Variants in PKP2 observed in about 807,000 individuals in gnomAD.
PKP2 encodes the protein plakophilin 2.
A neutral mutation model predicts 83.4 loss-of-function variants in PKP2; 73 were observed. The ratio of observed to expected loss-of-function variants is 0.88; its 90% CI spans 0.72 to 1.06. PKP2 has a LOEUF of 1.06. Among genes scored for constraint, PKP2 ranks in the 50% least tolerant of loss-of-function variants. The probability of loss-of-function intolerance (pLI) is 0.00; values close to 1 mark genes in which losing one functional copy is unlikely to be tolerated. For missense variants in PKP2, 966 were observed against 1,065.4 expected, an observed-to-expected ratio of 0.91 and a Z score of 1.30; for synonymous variants, 409 against 430.4, an observed-to-expected ratio of 0.95 and a Z score of 0.62.
intron 11 of PKP2, among the ~76,000 whole-genome samples, chr12:32,793,067 C>A (rs886150846): frequency 6.6e-6 from 1 of 152,016 alleles, no homozygotes; most frequent in Non-Finnish European, 1.5e-5. Flanking sequence ...ATGGTGAAAC[C>A]CCGTCTGTAC....
intron 3 of PKP2, among the ~76,000 whole-genome samples, chr12:32,870,468 T>C (rs1389286238): frequency 6.6e-6 from 1 of 152,162 alleles, no homozygotes; most frequent in Non-Finnish European, 1.5e-5. Context: ...CTGAGAATTA[T>C]ATAATGATCT....
chr12:32,848,795 T>C (rs1966873648), intron 5 of PKP2, among the ~76,000 whole-genome samples: 1 of 152,074 alleles, frequency 6.6e-6, no homozygotes, highest in Admixed American at 6.5e-5. Context: ...AAATCTAAAA[T>C]GAATGTTGAA....
At chr12:32,885,613 G>A (rs1249983604) in intron 1 of PKP2, among the ~76,000 whole-genome samples, 1 of 151,808 alleles carries the variant, frequency 6.6e-6, no homozygotes, top group Non-Finnish European at 1.5e-5. Context: ...GCGGTGAGGT[G>A]AGACTGTGCC....
chr12:32,858,285 C>A (rs1256788300), intron 4 of PKP2, among the ~76,000 whole-genome samples: 2 of 150,058 alleles, frequency 1.3e-5, no homozygotes, highest in Admixed American at 1.3e-4. Context: ...GCCTGGGCAA[C>A]AGAACAACAC....
At chr12:32,794,951 C>A (rs1956107367) in intron 11 of PKP2, among the ~76,000 whole-genome samples, 1 of 152,160 alleles carries the variant, frequency 6.6e-6, no homozygotes, top group South Asian at 2.1e-4. Context: ...TACAGCCAAG[C>A]ACACATTTCT....
chr12:32,826,079 CG>C (rs1177768752), intron 6 of PKP2, among the ~76,000 whole-genome samples: 2 of 151,822 alleles, frequency 1.3e-5, no homozygotes, highest in African/African-American at 2.4e-5. Flanking sequence ...CCGAGGCAGG[CG>C]GATCATGAGG....
chr12:32,817,952 T>C (rs1317073009), intron 9 of PKP2, among the ~76,000 whole-genome samples: 1 of 152,104 alleles, frequency 6.6e-6, no homozygotes, highest in African/African-American at 2.4e-5. Flanking sequence ...GCAAACCCTA[T>C]TGTGAACCGC....
At chr12:32,858,849 G>C (rs1448731547) in intron 4 of PKP2, among the ~76,000 whole-genome samples, 1 of 152,108 alleles carries the variant, frequency 6.6e-6, no homozygotes, top group Non-Finnish European at 1.5e-5. Flanking sequence ...CACACCAAAA[G>C]GTGCTCAACT....
chr12:32,872,574 G>A (rs777971477), intron 3 of PKP2, among the ~76,000 whole-genome samples: 3 of 152,076 alleles, frequency 2.0e-5, no homozygotes, highest in African/African-American at 7.2e-5. Flanking sequence ...ACTTGTGTGC[G>A]TGTGTAATCT....
intron 6 of PKP2, among the ~76,000 whole-genome samples, chr12:32,836,545 C>T (rs776342947): frequency 3.9e-5 from 6 of 152,172 alleles, no homozygotes; most frequent in Admixed American, 1.3e-4. Context: ...GTCTAGTAAA[C>T]GGAGAAAGTT....
Position 32,796,267 on chromosome 12 carries a change from G to T in PKP2, c.2199C>A (p.Ile733=). The T allele has an allele frequency of 6.2e-7, 1 of 1,611,136 alleles. No individual in the cohort carries two copies. Reference sequence around the variant, plus strand: ...CAGTACTCGGGACTGTGTCAGGAATGATGGAAACCAAATCAGGGAGAGTTT... The same window carrying T: ...CAGTACTCGGGACTGTGTCAGGAATTATGGAAACCAAATCAGGGAGAGTTT... ...AKETLPDLVS[I]IPDTVPSTDL... The change falls in exon 11 of 13, where the codon ATC becomes ATA. Residue 733 remains isoleucine (I), a synonymous_variant. Coordinates refer to ENST00000340811, the MANE Select transcript of PKP2 (RefSeq NM_001005242.3).
At chr12:32,863,979 A>C (rs949753118) in intron 4 of PKP2, among the ~76,000 whole-genome samples, 4 of 152,192 alleles carry the variant, frequency 2.6e-5, no homozygotes, top group African/African-American at 9.7e-5. Context: ...GGGGTTTATG[A>C]ATGGAATACC....
intron 9 of PKP2, among the ~76,000 whole-genome samples, chr12:32,807,703 G>T (rs1405852987): frequency 6.6e-6 from 1 of 152,156 alleles, no homozygotes; most frequent in African/African-American, 2.4e-5. Flanking sequence ...TCCTTCAGGA[G>T]CTTTTGCATG....
At chr12:32,850,034 CT>C (rs1442163857) in intron 5 of PKP2, among the ~76,000 whole-genome samples, 1 of 152,154 alleles carries the variant, frequency 6.6e-6, no homozygotes, top group Non-Finnish European at 1.5e-5. Context: ...TGTCAGTTTT[CT>C]TTAGAAAGAA....
At chr12:32,799,333 G>C (rs1461349619) in intron 10 of PKP2, among the ~76,000 whole-genome samples, 1 of 152,190 alleles carries the variant, frequency 6.6e-6, no homozygotes, top group Non-Finnish European at 1.5e-5. Flanking sequence ...TACACTGCTG[G>C]TGGGAATGTA....
In PKP2 at chr12:32,892,823, G is replaced by GCC. The variant is rs1408976330; in HGVS notation, c.223+3685_223+3686insGG. Among the ~76,000 whole-genome samples the GCC allele has an allele frequency of 4.9e-5, 6 of 122,262 alleles. 2 individuals carry two copies. Among genetic ancestry groups the GCC allele is most frequent in the Admixed American group, 4.8e-4 (6 of 12,440 alleles). The allele number at this position is 122,262 out of a possible 152,430, so 80.2% of individuals were successfully genotyped here. On this transcript the variant is annotated intron_variant, in intron 1 of 12. Coordinates refer to ENST00000340811, the MANE Select transcript of PKP2 (RefSeq NM_001005242.3). The stretch of plus-strand genomic sequence containing the variant: ...TCAGATACCTGGGGTGGGGGCGGGG[G>GCC]GGGGGGGAGAACTGTGTAGCAAGTA...
intron 5 of PKP2, among the ~76,000 whole-genome samples, chr12:32,844,469 A>G (rs1956628960): frequency 6.6e-6 from 1 of 152,222 alleles, no homozygotes. Flanking sequence ...GCTAATGTAC[A>G]CAGGAATCCA....
intron 5 of PKP2, among the ~76,000 whole-genome samples, chr12:32,850,428 G>T (rs1956685363): frequency 6.6e-6 from 1 of 152,046 alleles, no homozygotes; most frequent in Admixed American, 6.6e-5. Flanking sequence ...AATTAGCCAG[G>T]TGTGGTAGCA....
intron 10 of PKP2, among the ~76,000 whole-genome samples, chr12:32,797,948 G>A (rs1956143950): frequency 6.6e-6 from 1 of 152,042 alleles, no homozygotes; most frequent in African/African-American, 2.4e-5. Flanking sequence ...CTTGAGCCCA[G>A]GAGTTTGAGA....
Sources: allele counts gnomAD v4.1 joint callset (sites outside exome capture counted in the v4.1 genomes callset), GRCh38; gene constraint gnomAD v4.1.1; transcripts MANE v1.5; gene names NCBI Gene and HGNC (gene_info 2026-07-23, HGNC 2026-07-21).